CCDC7: variants seen among roughly 807,000 people sequenced by gnomAD.
The protein encoded by CCDC7 is coiled-coil domain containing 7, also known as coiled-coil domain-containing protein 7.
In CCDC7, 183 loss-of-function variants were observed where a neutral mutation model predicts 196.9. The observed-to-expected ratio is 0.93, with a 90% CI of 0.82 to 1.05. CCDC7 has a LOEUF of 1.05. Ranked by LOEUF, CCDC7 falls within the 50% of genes least tolerant of loss-of-function variation. The pLI is 0.00. For synonymous variants in CCDC7, 525 were observed against 484.6 expected (o/e 1.08, Z -1.10); for missense variants, 1,540 against 1,482.2 (o/e 1.04, Z -0.64).
chr10:32,711,730 A>G, exon 25 of CCDC7: 1 of 1,525,176 alleles, frequency 6.6e-7, no homozygotes, highest in East Asian at 2.3e-5. Context: ...AGGACGTAGC[A>G]GTAAGTATAA....
chr10:32,473,981 C>T (rs145224620), exon 8 of CCDC7: 1 of 1,610,474 alleles, frequency 6.2e-7, no homozygotes, highest in Admixed American at 1.7e-5. Flanking sequence ...CTTAGAAGCC[C>T]ACTCAACTGA....
intron 28 of CCDC7, among the ~76,000 whole-genome samples, chr10:32,751,456 TC>T (rs1168895239): frequency 5.9e-5 from 9 of 152,114 alleles, no homozygotes; most frequent in Admixed American, 5.9e-4. Flanking sequence ...GGAGCATTCT[TC>T]CTTTGAGCAC....
exon 35 of CCDC7, chr10:32,845,567 A>C: frequency 1.2e-6 from 2 of 1,612,454 alleles, no homozygotes; most frequent in South Asian, 1.1e-5. Context: ...TTCTTTGCCT[A>C]TGCTACTGGA....
At chr10:32,673,676 T>C (rs1294265485) in intron 21 of CCDC7, among the ~76,000 whole-genome samples, 2 of 151,530 alleles carry the variant, frequency 1.3e-5, no homozygotes, top group African/African-American at 4.9e-5. Context: ...TGTGTGTGTG[T>C]GTGTGTGTGT....
chr10:32,708,194 CA>C (rs990940907), intron 24 of CCDC7, among the ~76,000 whole-genome samples: 3 of 152,126 alleles, frequency 2.0e-5, no homozygotes, highest in African/African-American at 7.2e-5. Flanking sequence ...TGATCTTTGA[CA>C]AACCTGACAA....
chr10:32,666,685 G>C (rs1413139866), intron 21 of CCDC7, among the ~76,000 whole-genome samples: 1 of 151,978 alleles, frequency 6.6e-6, no homozygotes, highest in African/African-American at 2.4e-5. Flanking sequence ...CTTCATCCAT[G>C]TCCTACAAAG....
At chr10:32,700,532 A>T (rs1055313702) in intron 24 of CCDC7, among the ~76,000 whole-genome samples, 5 of 152,176 alleles carry the variant, frequency 3.3e-5, no homozygotes, top group African/African-American at 1.2e-4. Context: ...TGACTTGGCG[A>T]TGCGGGCTCC....
At chr10:32,663,433 C>T (rs1052682354) in intron 20 of CCDC7, among the ~76,000 whole-genome samples, 1 of 152,098 alleles carries the variant, frequency 6.6e-6, no homozygotes, top group African/African-American at 2.4e-5. Context: ...TTTATCTTTC[C>T]TGTGTTTCAA....
intron 8 of CCDC7, among the ~76,000 whole-genome samples, chr10:32,486,120 G>T (rs1300201452): frequency 6.6e-6 from 1 of 152,116 alleles, no homozygotes; most frequent in Non-Finnish European, 1.5e-5. Flanking sequence ...CATTATTATT[G>T]TGTGGGAGTC....
At position 32,639,190 on chromosome 10, in the gene CCDC7, G is replaced by A. The variant is rs576220462; in HGVS notation, c.2014+4032G>A. 1.8e-3 allele frequency among the ~76,000 whole-genome samples: 272 copies of A among 152,144 alleles called. 1 individual carries two copies. The highest frequency in any genetic ancestry group is 3.5e-3 in the Non-Finnish European group (240 of 67,998). On this transcript the variant is annotated intron_variant, in intron 20 of 41. Transcript: ENST00000639629. ...GATCTTTTCAAAAAACCACCTCTTGGATTCATTGATTTTTTTGAAGGGTTT... is the reference window on the plus strand; with the variant it reads ...GATCTTTTCAAAAAACCACCTCTTGAATTCATTGATTTTTTTGAAGGGTTT...
intron 11 of CCDC7, among the ~76,000 whole-genome samples, chr10:32,539,095 TC>T (rs1293016026): frequency 2.0e-5 from 3 of 152,102 alleles, no homozygotes; most frequent in Non-Finnish European, 4.4e-5. Flanking sequence ...CACCAGCGCT[TC>T]TTTATATATC....
Position 32,816,197 on chromosome 10 carries a change from C to T in CCDC7, c.3181+1744C>T, listed in dbSNP as rs187465341. On this transcript the variant is annotated intron_variant, in intron 31 of 41. Coordinates refer to ENST00000639629, the Ensembl canonical transcript of CCDC7. Reference sequence around the variant, plus strand: ...GCACACCAGGAGATTATATCCTGCGCATGGCTCGGAGGGTCCTGCGCCCAT... The same window carrying T: ...GCACACCAGGAGATTATATCCTGCGTATGGCTCGGAGGGTCCTGCGCCCAT... 6.6e-5 allele frequency among the ~76,000 whole-genome samples: 10 copies of T among 152,368 alleles called. No individual in the cohort carries two copies. The East Asian group carries it at 1.9e-3, about 29-fold the overall frequency.
At chr10:32,613,077 T>C (rs1337426729) in intron 18 of CCDC7, among the ~76,000 whole-genome samples, 1 of 152,200 alleles carries the variant, frequency 6.6e-6, no homozygotes, top group South Asian at 2.1e-4. Context: ...GGTAGGCTAT[T>C]AATTACTGCC....
At chr10:32,537,245 A>G (rs2050662761) in intron 11 of CCDC7, among the ~76,000 whole-genome samples, 1 of 152,170 alleles carries the variant, frequency 6.6e-6, no homozygotes, top group Non-Finnish European at 1.5e-5. Flanking sequence ...CACTTCTCTA[A>G]TGATTACTGA....
intron 33 of CCDC7, among the ~76,000 whole-genome samples, chr10:32,837,053 CA>C (rs1439456299): frequency 6.6e-6 from 1 of 152,070 alleles, no homozygotes; most frequent in Non-Finnish European, 1.5e-5. Context: ...GCAATGGCAA[CA>C]AAAGCCAAAA....
intron 20 of CCDC7, among the ~76,000 whole-genome samples, chr10:32,641,730 G>A (rs2066838335): frequency 6.6e-6 from 1 of 152,190 alleles, no homozygotes; most frequent in Non-Finnish European, 1.5e-5. Flanking sequence ...GTGGTGCTCT[G>A]ATTTTTAGAG....
At chr10:32,788,252 G>A (rs549836270) in intron 29 of CCDC7, among the ~76,000 whole-genome samples, 1 of 152,082 alleles carries the variant, frequency 6.6e-6, no homozygotes, top group Non-Finnish European at 1.5e-5. Context: ...GAGGCTCCAA[G>A]CCTGCCCCAT....
At chr10:32,525,912 G>A (rs1197095372) in intron 11 of CCDC7, among the ~76,000 whole-genome samples, 3 of 152,118 alleles carry the variant, frequency 2.0e-5, no homozygotes, top group East Asian at 3.9e-4. Flanking sequence ...GGTGTGTTGT[G>A]CAAGCACCCC....
intron 20 of CCDC7, among the ~76,000 whole-genome samples, chr10:32,640,984 C>T (rs965672565): frequency 2.0e-5 from 3 of 148,856 alleles, no homozygotes; most frequent in Non-Finnish European, 3.0e-5. Context: ...ACTAATGTGT[C>T]ATCTAGCATT....
Sources: allele counts gnomAD v4.1 joint callset (sites outside exome capture counted in the v4.1 genomes callset), GRCh38; gene constraint gnomAD v4.1.1; transcripts MANE v1.5; gene names NCBI Gene and HGNC (gene_info 2026-07-23, HGNC 2026-07-21).